The following ANO2 variants were observed in gnomAD, a reference collection of about 807,000 sequenced individuals.
ANO2 encodes anoctamin-2.
A neutral mutation model predicts 124.2 loss-of-function variants in ANO2; 101 were observed. That is an observed-to-expected ratio of 0.81 (90% confidence interval 0.69 to 0.96). The LOEUF is 0.96. Ranked by LOEUF, ANO2 falls within the 40% of genes least tolerant of loss-of-function variation. ANO2 has a pLI of 0.00. For missense variants in ANO2, 1,293 were observed against 1,274.5 expected (o/e 1.01, Z -0.22); for synonymous variants, 486 against 482.5 (o/e 1.01, Z -0.09).
At chr12:5,682,029 T>C (rs1419293274) in intron 14 of ANO2, among the ~76,000 whole-genome samples, 1 of 152,186 alleles carries the variant, frequency 6.6e-6, no homozygotes, top group Non-Finnish European at 1.5e-5. Context: ...ACCAGTTTCT[T>C]CTCTTTAATC....
At chr12:5,647,060 TA>T (rs1946676424) in intron 15 of ANO2, among the ~76,000 whole-genome samples, 1 of 152,212 alleles carries the variant, frequency 6.6e-6, no homozygotes, top group African/African-American at 2.4e-5. Flanking sequence ...TTGAATACTG[TA>T]AGGAAGATTT....
chr12:5,563,710 C>T (rs990041605), intron 24 of ANO2, 142 bp from the exon 25 acceptor site: 15 of 1,104,890 alleles, frequency 1.4e-5, no homozygotes, highest in African/African-American at 9.4e-5. Flanking sequence ...CATAACTCTA[C>T]CTTGGTGTCC....
In ANO2 at chr12:5,908,930, A is replaced by G. The variant is rs1254310752; in HGVS notation, c.534+12110T>C. Among the ~76,000 whole-genome samples, 1 of 152,222 alleles carries G rather than the reference A, an allele frequency of 6.6e-6. No homozygotes were observed. Among genetic ancestry groups the G allele is most frequent in the Non-Finnish European group, 1.5e-5 (1 of 68,036 alleles). On this transcript the variant is annotated intron_variant, in intron 3 of 24. Coordinates refer to ENST00000682330, the MANE Select transcript of ANO2 (RefSeq NM_001364791.2). The surrounding 1 kb of genome is among the most constrained non-coding windows in gnomAD (Gnocchi z 4.7). Reference sequence around the variant, plus strand: ...CTCTGGAGAATGGCCTTCACTCCACACAGAATCATGAGTCCACTCAGAACA... The same window carrying G: ...CTCTGGAGAATGGCCTTCACTCCACGCAGAATCATGAGTCCACTCAGAACA...
chr12:5,659,775 C>T (rs1282474940), intron 14 of ANO2, among the ~76,000 whole-genome samples: 1 of 152,170 alleles, frequency 6.6e-6, no homozygotes, highest in East Asian at 1.9e-4. Context: ...CAGCTCGCTG[C>T]CTCGTCCTCC....
At chr12:5,883,543 G>GT (rs1474287815) in intron 3 of ANO2, among the ~76,000 whole-genome samples, 1 of 139,730 alleles carries the variant, frequency 7.2e-6, no homozygotes, top group Non-Finnish European at 1.6e-5. Flanking sequence ...GTGTGTGTGT[G>GT]GTGTCTGCCC....
Position 5,790,701 on chromosome 12 carries a change from T to G in ANO2, c.1055+8806A>C, listed in dbSNP as rs185481425. ...TAGTTACCTGCTGGAAGCTACTTGA[T>G]AGCTCTGTGACCGACCCAAGAAGTT... On this transcript the variant is annotated intron_variant, in intron 10 of 24. Transcript: ENST00000682330. Among the ~76,000 whole-genome samples, 10 of 152,306 alleles carry G rather than the reference T, an allele frequency of 6.6e-5. No individual in the cohort carries two copies. The East Asian group carries it at 1.9e-3, about 29-fold the overall frequency.
chr12:5,892,924 A>T (rs1397988338), intron 3 of ANO2, among the ~76,000 whole-genome samples: 1 of 152,218 alleles, frequency 6.6e-6, no homozygotes, highest in Non-Finnish European at 1.5e-5. Flanking sequence ...AACAAAAATT[A>T]TAACACTTTC....
chr12:5,905,490 T>C (rs1940611449), intron 3 of ANO2, among the ~76,000 whole-genome samples: 1 of 152,144 alleles, frequency 6.6e-6, no homozygotes, highest in Non-Finnish European at 1.5e-5. Flanking sequence ...CCAAGATTCA[T>C]GAGGCCCCAG....
chr12:5,880,461 T>G (rs78261986), intron 3 of ANO2, among the ~76,000 whole-genome samples: 2,965 of 151,804 alleles, frequency 0.02, 89 homozygotes, highest in African/African-American at 0.069. Flanking sequence ...GACAGAACTC[T>G]GAGAACACTG....
chr12:5,600,868 C>A (rs1360982880), intron 19 of ANO2, among the ~76,000 whole-genome samples: 1 of 152,170 alleles, frequency 6.6e-6, no homozygotes, highest in African/African-American at 2.4e-5. Context: ...GACCACCCAA[C>A]CCCTGTGTAG....
chr12:5,923,244 G>A (rs1053018710), intron 1 of ANO2, among the ~76,000 whole-genome samples: 5 of 110,392 alleles, frequency 4.5e-5, no homozygotes, highest in Non-Finnish European at 5.5e-5. Flanking sequence ...ATACACACAC[G>A]CATACACACA....
intron 10 of ANO2, among the ~76,000 whole-genome samples, chr12:5,762,410 T>C (rs1163931534): frequency 6.6e-6 from 1 of 152,030 alleles, no homozygotes; most frequent in Non-Finnish European, 1.5e-5. Flanking sequence ...TTTGAAACTA[T>C]TTACCTCTTA....
chr12:5,858,495 A>G (rs973320094), intron 3 of ANO2: 7 of 152,194 alleles, frequency 4.6e-5, no homozygotes, highest in Non-Finnish European at 1.0e-4. Context: ...TGGAATCTTC[A>G]CCACCTGAAA....
At chr12:5,580,205 T>A (rs1591659400) in intron 20 of ANO2, among the ~76,000 whole-genome samples, 1 of 152,288 alleles carries the variant, frequency 6.6e-6, no homozygotes, top group South Asian at 2.1e-4. Flanking sequence ...ACCCACCCAA[T>A]AGGGTTCCCA....
chr12:5,818,285 T>C (rs1007748486), intron 7 of ANO2, among the ~76,000 whole-genome samples: 17 of 151,722 alleles, frequency 1.1e-4, no homozygotes, highest in Admixed American at 1.0e-3. Flanking sequence ...CAGAAAAACA[T>C]GAAAAGACTA....
intron 3 of ANO2, among the ~76,000 whole-genome samples, chr12:5,863,072 C>T (rs11063890): frequency 0.028 from 4,309 of 152,238 alleles, 205 homozygotes; most frequent in African/African-American, 0.097. Context: ...CACCTTCCAC[C>T]GTGATTGGGA....
chr12:5,812,119 A>C (rs1953408253), intron 7 of ANO2, among the ~76,000 whole-genome samples: 2 of 137,776 alleles, frequency 1.5e-5, no homozygotes, highest in South Asian at 2.6e-4. Flanking sequence ...AGGCCAGGGA[A>C]GGGCAGGGAA....
chr12:5,685,908 G>T (rs1948684348), intron 14 of ANO2, among the ~76,000 whole-genome samples: 1 of 152,218 alleles, frequency 6.6e-6, no homozygotes, highest in African/African-American at 2.4e-5. Context: ...GGAAATAGCT[G>T]ATCTGCCCAC....
At chr12:5,779,346 C>G (rs1426281085) in intron 10 of ANO2, among the ~76,000 whole-genome samples, 3 of 152,190 alleles carry the variant, frequency 2.0e-5, no homozygotes, top group Non-Finnish European at 4.4e-5. Context: ...ATCAATCTCC[C>G]TTCTCCATTC....
Sources: gnomAD v4.1 joint callset for allele counts (sites outside exome capture counted in the v4.1 genomes callset) on GRCh38, gnomAD v4.1.1 for gene constraint, Gnocchi (gnomAD v3.1) non-coding constraint, MANE v1.5 for transcripts, NCBI Gene and HGNC (gene_info 2026-07-23, HGNC 2026-07-21) for gene names.